Variants in ZDHHC17 observed in about 807,000 individuals in gnomAD.
The protein encoded by ZDHHC17 is palmitoyltransferase ZDHHC17.
ZDHHC17 carries 40 observed loss-of-function variants against 90.3 expected under a neutral mutation model. The observed-to-expected ratio is 0.44, with a 90% CI of 0.34 to 0.58. The LOEUF (loss-of-function observed/expected upper bound fraction) is 0.58. Ranked by LOEUF, ZDHHC17 falls within the 20% of genes least tolerant of loss-of-function variation. The probability of loss-of-function intolerance (pLI) is 0.01; values close to 1 mark genes in which losing one functional copy is unlikely to be tolerated. For missense variants in ZDHHC17, 614 were observed against 780.8 expected (o/e 0.79, Z 2.55); for synonymous variants, 235 against 252.4 (o/e 0.93, Z 0.65).
At chr12:76,796,162 C>T (rs760842468) in intron 1 of ZDHHC17, among the ~76,000 whole-genome samples, 3 of 152,078 alleles carry the variant, frequency 2.0e-5, no homozygotes, top group Non-Finnish European at 2.9e-5. Flanking sequence ...ATACTCTCAA[C>T]TTGGTATGAT....
Position 76,806,490 on chromosome 12 carries a change from T to C in ZDHHC17, c.320+1051T>C, listed in dbSNP as rs192941673. On this transcript the variant is annotated intron_variant, in intron 3 of 16. Transcript: ENST00000426126. ...AGAGGGTTTAAATGAAAATGAAATA[T>C]AGGCCTGCGCCTATATAAATATAGG... Among the ~76,000 whole-genome samples the C allele has an allele frequency of 2.0e-4, 31 of 152,222 alleles. No homozygotes were observed. The East Asian group carries it at 4.6e-3, about 23-fold the overall frequency.
chr12:76,812,245 G>T (rs558799455), intron 5 of ZDHHC17, among the ~76,000 whole-genome samples: 1 of 152,076 alleles, frequency 6.6e-6, no homozygotes, highest in Admixed American at 6.6e-5. Context: ...GCACTGTGCC[G>T]TTTAACCCCT....
intron 10 of ZDHHC17, among the ~76,000 whole-genome samples, chr12:76,834,093 A>T (rs1021678364): frequency 2.0e-5 from 3 of 152,194 alleles, no homozygotes; most frequent in South Asian, 2.1e-4. Context: ...AATGAAGTTT[A>T]AAATGCACAA....
intron 1 of ZDHHC17, among the ~76,000 whole-genome samples, chr12:76,782,362 T>C (rs1952636860): frequency 6.6e-6 from 1 of 152,224 alleles, no homozygotes; most frequent in South Asian, 2.1e-4. Flanking sequence ...CCTGGAGTTA[T>C]GGAAGGCCCA....
chr12:76,781,935 TTAA>T (rs1354533534), intron 1 of ZDHHC17, among the ~76,000 whole-genome samples: 2 of 152,148 alleles, frequency 1.3e-5, no homozygotes, highest in Non-Finnish European at 2.9e-5. Flanking sequence ...TAACTGAGTG[TTAA>T]GTGGGTTTTT....
chr12:76,768,147 T>C (rs1038027277), intron 1 of ZDHHC17, among the ~76,000 whole-genome samples: 4 of 152,248 alleles, frequency 2.6e-5, no homozygotes, highest in African/African-American at 9.6e-5. Context: ...TAGTGAATAC[T>C]GAAAGGGAAG....
intron 1 of ZDHHC17, 48 bp from the exon 2 acceptor site, chr12:76,797,386 G>A: frequency 7.5e-7 from 1 of 1,331,952 alleles, no homozygotes; most frequent in Non-Finnish European, 1.0e-6. Flanking sequence ...AATATTTTCT[G>A]TACCTCTTTT....
intron 1 of ZDHHC17, among the ~76,000 whole-genome samples, chr12:76,787,580 C>T (rs1952703037): frequency 1.3e-5 from 2 of 151,806 alleles, no homozygotes; most frequent in Non-Finnish European, 2.9e-5. Context: ...TTGCCAATGC[C>T]ATCGGCCATA....
At chr12:76,842,798 T>C in intron 11 of ZDHHC17, 121 bp from the exon 12 acceptor site, 1 of 694,204 alleles carries the variant, frequency 1.4e-6, no homozygotes, top group Middle Eastern at 2.7e-4. Context: ...TATTTCTCTT[T>C]TTGAACTCAA....
chr12:76,810,190 CTTAT>C lies in ZDHHC17; in HGVS notation c.543+339_543+342del, dbSNP rs534356287. On this transcript the variant is annotated intron_variant, in intron 5 of 16. Transcript: ENST00000426126. ...CTGAATTCATCCAAACTTTTTTGAA[CTTAT>C]TTATTGGTTATTTTATATATTAAAT... Among the ~76,000 whole-genome samples, 475 of 151,950 alleles carry C rather than the reference CTTAT, an allele frequency of 3.1e-3. 5 individuals carry two copies. The highest frequency in any genetic ancestry group is 0.011 in the African/African-American group (462 of 41,462).
chr12:76,815,837 T>C lies in ZDHHC17; in HGVS notation c.609-20T>C. 6.8e-7 allele frequency: 1 copy of C among 1,463,296 alleles called. No homozygotes were observed. Among genetic ancestry groups the C allele is most frequent in the Non-Finnish European group, 9.1e-7 (1 of 1,103,204 alleles). The allele number at this position is 1,463,296 out of a possible 1,614,324, so 90.6% of individuals were successfully genotyped here. ...TTAGGGTTGTTGTTGTTGTTTGTTT[T>C]TTTTTTTTTTCCTTTTCAGTGTGGA... is the stretch of plus-strand genomic sequence containing the variant. On this transcript the variant is annotated intron_variant, in intron 6 of 16. Transcript: ENST00000426126.
In ZDHHC17 at chr12:76,809,044, T is replaced by C. The variant is rs1952989448; in HGVS notation, c.322T>C (p.Tyr108His). ...ATTATTATAAATTTTGTCTTATAGATACTATATTTCGAAAGGTGCTATTGT... is the reference window on the plus strand; with the variant it reads ...ATTATTATAAATTTTGTCTTATAGACACTATATTTCGAAAGGTGCTATTGT... ...AINNRIDLVKYYISKGAIVDQ... is the reference protein window; with the variant it reads ...AINNRIDLVKHYISKGAIVDQ... Residue 108 changes from tyrosine to histidine, a missense_variant and splice_region_variant, in exon 4 of 17, where the codon TAC becomes CAC. By Grantham distance (83) the Tyr-to-His change is moderately conservative. Around this residue, in one of 5 missense-constraint regions of ZDHHC17, gnomAD observed 358 missense variants for 380.4 expected, o/e 0.94. Coordinates refer to ENST00000426126, the MANE Select transcript of ZDHHC17 (RefSeq NM_015336.4). 5 of 1,515,576 alleles carry C rather than the reference T, an allele frequency of 3.3e-6. No individual in the cohort carries two copies. Among genetic ancestry groups the C allele is most frequent in the Non-Finnish European group, 4.4e-6 (5 of 1,131,810 alleles). The allele number at this position is 1,515,576 out of a possible 1,614,324, so 93.9% of individuals were successfully genotyped here. A position where few individuals can be genotyped will look rare whatever the true frequency, so the allele number is the denominator to read the frequency against.
intron 2 of ZDHHC17, among the ~76,000 whole-genome samples, chr12:76,804,201 AG>A (rs1408961412): frequency 1.3e-5 from 2 of 152,250 alleles, no homozygotes; most frequent in Non-Finnish European, 2.9e-5. Context: ...TAATTGTGGC[AG>A]AAGTCTTACC....
At chr12:76,764,760 C>T (rs1044926093) in intron 1 of ZDHHC17, 5 of 460,844 alleles carry the variant, frequency 1.1e-5, no homozygotes, top group Non-Finnish European at 2.2e-5. Context: ...CTATTGCTTC[C>T]TTTTAGTCCA....
chr12:76,849,629 C>A, intron 16 of ZDHHC17, 159 bp downstream of exon 16: 2 of 516,956 alleles, frequency 3.9e-6, no homozygotes, highest in South Asian at 3.0e-5. Flanking sequence ...AAACAGAATT[C>A]ATCACATTAA....
chr12:76,800,522 A>G (rs768583985), intron 2 of ZDHHC17, among the ~76,000 whole-genome samples: 18 of 152,148 alleles, frequency 1.2e-4, no homozygotes, highest in Non-Finnish European at 1.0e-4. Context: ...TGATGATGTT[A>G]TTAGGTTAAA....
intron 2 of ZDHHC17, among the ~76,000 whole-genome samples, chr12:76,799,946 T>A (rs1271638089): frequency 1.3e-5 from 2 of 152,230 alleles, no homozygotes; most frequent in Non-Finnish European, 2.9e-5. Flanking sequence ...TGTTTATGTT[T>A]CATATACACA....
At chr12:76,816,625 A>G (rs778682567) in intron 7 of ZDHHC17, among the ~76,000 whole-genome samples, 1 of 152,042 alleles carries the variant, frequency 6.6e-6, no homozygotes, top group African/African-American at 2.4e-5. Context: ...CTAATTAAAT[A>G]TGAAGGGGGT....
intron 1 of ZDHHC17, among the ~76,000 whole-genome samples, chr12:76,765,771 G>A (rs1383057072): frequency 3.3e-5 from 5 of 152,336 alleles, no homozygotes; most frequent in African/African-American, 4.8e-5. Context: ...CACGATGACA[G>A]CTCACTGCAG....
Sources: allele counts gnomAD v4.1 joint callset (sites outside exome capture counted in the v4.1 genomes callset), GRCh38; gene constraint gnomAD v4.1.1; regional missense constraint gnomAD v4.1.1; transcripts MANE v1.5; gene names NCBI Gene and HGNC (gene_info 2026-07-23, HGNC 2026-07-21).